PRDM15: variants seen among roughly 807,000 people sequenced by gnomAD.
PRDM15 encodes PR domain zinc finger protein 15.
Under a neutral mutation model 128.6 loss-of-function variants are expected in PRDM15, and 64 were observed. The observed-to-expected ratio is 0.50, with a 90% CI of 0.41 to 0.61. The LOEUF is 0.61. Among genes scored for constraint, PRDM15 ranks in the 20% least tolerant of loss-of-function variants. The pLI, the probability that PRDM15 is intolerant of heterozygous loss-of-function variation, is 0.00. For synonymous variants in PRDM15, 615 were observed against 621.8 expected (o/e 0.99, Z 0.16); for missense variants, 1,242 against 1,569.1 (o/e 0.79, Z 3.52).
chr21:41,839,683 T>C lies in PRDM15; in HGVS notation c.811A>G (p.Lys271Glu), dbSNP rs1428013338. Residue 271 changes from lysine (K) to glutamate (E), a missense_variant, in exon 7 of 24, where the codon AAA becomes GAA. Transcript: ENST00000398548. The part of the protein sequence containing the change: ...EQKKKPRRGR[K>E]PKVSKAEQPL... Reference sequence around the variant, plus strand: ...TGCTCAGCTTTGGACACTTTGGGTTTTCTCCCCCTTCGAGGCTTTTTCTTC... The same window carrying C: ...TGCTCAGCTTTGGACACTTTGGGTTCTCTCCCCCTTCGAGGCTTTTTCTTC... The C allele has an allele frequency of 1.9e-6, 3 of 1,614,142 alleles. No individual in the cohort carries two copies. Among genetic ancestry groups the C allele is most frequent in the East Asian group, 2.2e-5 (1 of 44,894 alleles).
chr21:41,847,548 T>A (rs781499092), intron 5 of PRDM15, among the ~76,000 whole-genome samples: 1 of 152,076 alleles, frequency 6.6e-6, no homozygotes, highest in Non-Finnish European at 1.5e-5. Flanking sequence ...AAGAACCAAG[T>A]GTAATTCCTC....
intron 2 of PRDM15, among the ~76,000 whole-genome samples, chr21:41,860,095 A>G (rs2063765125): frequency 6.6e-6 from 1 of 152,210 alleles, no homozygotes; most frequent in Non-Finnish European, 1.5e-5. Flanking sequence ...TACCCCCTGC[A>G]AAGTGCCCTC....
At chr21:41,857,886 G>A (rs1461851248) in intron 3 of PRDM15, among the ~76,000 whole-genome samples, 1 of 152,244 alleles carries the variant, frequency 6.6e-6, no homozygotes, top group African/African-American at 2.4e-5. Flanking sequence ...GCTACACAAG[G>A]CCGACCACAG....
chr21:41,809,808 C>T (rs546906629), intron 21 of PRDM15, among the ~76,000 whole-genome samples: 4 of 152,328 alleles, frequency 2.6e-5, no homozygotes, highest in South Asian at 4.1e-4. Flanking sequence ...CGGTGTCATA[C>T]TTTACTTGGC....
intron 18 of PRDM15, among the ~76,000 whole-genome samples, chr21:41,816,866 T>G (rs1158358947): frequency 1.4e-5 from 2 of 143,820 alleles, no homozygotes; most frequent in African/African-American, 5.3e-5. Context: ...TGATTCCACC[T>G]GAAAAAGTTA....
chr21:41,829,649 A>G (rs1377534857), intron 11 of PRDM15, among the ~76,000 whole-genome samples: 3 of 151,510 alleles, frequency 2.0e-5, no homozygotes, highest in African/African-American at 7.3e-5. Context: ...CACCACAAAT[A>G]CATTCAACAC....
rs757258956 is a variant in PRDM15 at position 41,802,797 on chromosome 21, G to A, written c.2858C>T (p.Thr953Ile). 2.0e-5 allele frequency: 33 copies of A among 1,614,088 alleles called. No homozygotes were observed. Among genetic ancestry groups the A allele is most frequent in the East Asian group, 2.0e-4 (9 of 44,904 alleles). Residue 953 changes from threonine to isoleucine, a missense_variant, in exon 23 of 24, where the codon ACC becomes ATC. Physicochemically the swap from Thr to Ile is moderately conservative, Grantham distance 89 (BLOSUM62 -1). Around this residue, in one of 3 missense-constraint regions of PRDM15, gnomAD observed 602 missense variants for 788.3 expected, o/e 0.76. Transcript: ENST00000398548. ...EAGAPVPEDA[T>I]FSEYSEKETE... Reference sequence around the variant, plus strand: ...CTCTTTCTCTGAGTATTCGCTGAAGGTGGCGTCCTCGGGCACCGGAGCACC... The same window carrying A: ...CTCTTTCTCTGAGTATTCGCTGAAGATGGCGTCCTCGGGCACCGGAGCACC...
chr21:41,839,237 G>A (rs537135494), intron 7 of PRDM15, among the ~76,000 whole-genome samples: 2 of 152,336 alleles, frequency 1.3e-5, no homozygotes, highest in East Asian at 3.9e-4. Context: ...CGGGTCTCGA[G>A]GCTGTAAGCT....
intron 1 of PRDM15, among the ~76,000 whole-genome samples, chr21:41,860,649 T>C (rs1414102327): frequency 6.6e-6 from 1 of 152,172 alleles, no homozygotes; most frequent in African/African-American, 2.4e-5. Context: ...TCTCGATCTC[T>C]TGACCTTGTG....
chr21:41,826,194 T>C, intron 12 of PRDM15, 140 bp from the exon 13 acceptor site: 1 of 643,440 alleles, frequency 1.6e-6, no homozygotes, highest in Non-Finnish European at 2.8e-6. Context: ...GCGTGGCAGT[T>C]TAAGTAACAT....
At chr21:41,860,577 C>T (rs2063780657) in intron 1 of PRDM15, among the ~76,000 whole-genome samples, 1 of 152,162 alleles carries the variant, frequency 6.6e-6, no homozygotes, top group African/African-American at 2.4e-5. Flanking sequence ...TGTGAGCCAC[C>T]ACACCCAGCT....
chr21:41,869,321 C>T (rs1395506783), intron 1 of PRDM15, among the ~76,000 whole-genome samples: 1 of 152,176 alleles, frequency 6.6e-6, no homozygotes, highest in East Asian at 1.9e-4. Context: ...CACTCTGTCG[C>T]CCAGGCTAGA....
intron 5 of PRDM15, among the ~76,000 whole-genome samples, chr21:41,852,324 C>T (rs1452397125): frequency 9.9e-5 from 15 of 152,254 alleles, no homozygotes; most frequent in Admixed American, 9.2e-4. Context: ...CGTGGGCACA[C>T]GTGCTGCCAG....
intron 6 of PRDM15, among the ~76,000 whole-genome samples, chr21:41,841,304 A>T (rs2063067139): frequency 6.6e-6 from 1 of 152,264 alleles, no homozygotes; most frequent in Non-Finnish European, 1.5e-5. Flanking sequence ...GAACAACTGC[A>T]GTGACAGCAG....
chr21:41,806,957 CCAT>C (rs1300310068), intron 21 of PRDM15, among the ~76,000 whole-genome samples: 34 of 151,762 alleles, frequency 2.2e-4, no homozygotes, highest in Admixed American at 1.3e-3. Context: ...ATCTCCACCA[CCAT>C]CATCACCACC....
intron 10 of PRDM15, 72 bp downstream of exon 10, chr21:41,836,041 C>T: frequency 1.1e-6 from 1 of 952,012 alleles, no homozygotes; most frequent in African/African-American, 1.7e-5. Context: ...CTCATTACAA[C>T]ATGGTGATTT....
chr21:41,869,435 G>A (rs955769796), intron 1 of PRDM15, among the ~76,000 whole-genome samples: 5 of 146,464 alleles, frequency 3.4e-5, no homozygotes, highest in South Asian at 4.5e-4. Context: ...ACACATCACC[G>A]GCTATTTTTT....
In PRDM15 at chr21:41,854,134, C is replaced by T. The variant is rs1017261627; in HGVS notation, c.538+432G>A. Among the ~76,000 whole-genome samples the T allele has an allele frequency of 1.3e-5, 2 of 152,162 alleles. No homozygotes were observed. The highest frequency in any genetic ancestry group is 2.9e-5 in the Non-Finnish European group (2 of 68,030). On this transcript the variant is annotated intron_variant, in intron 5 of 23. Transcript: ENST00000398548. The surrounding 1 kb of genome is among the most constrained non-coding windows in gnomAD (Gnocchi z 4.6). ...TTGTCTATGTTTACATAGACAAATA[C>T]TGACCATGTGTTACAGTTGCCCACA...
At chr21:41,838,666 G>A (rs139947780) in intron 7 of PRDM15, among the ~76,000 whole-genome samples, 2 of 152,064 alleles carry the variant, frequency 1.3e-5, no homozygotes, top group African/African-American at 4.8e-5. Flanking sequence ...GCTTTCCCCC[G>A]CCCCCATCTT....
Sources: gnomAD v4.1 joint callset for allele counts (sites outside exome capture counted in the v4.1 genomes callset) on GRCh38, gnomAD v4.1.1 for gene constraint, gnomAD v4.1.1 regional missense constraint, Gnocchi (gnomAD v3.1) non-coding constraint, MANE v1.5 for transcripts, NCBI Gene and HGNC (gene_info 2026-07-23, HGNC 2026-07-21) for gene names.